SGCZ: variants seen among roughly 807,000 people sequenced by gnomAD.
The protein encoded by SGCZ is zeta-sarcoglycan.
A neutral mutation model predicts 41.3 loss-of-function variants in SGCZ; 40 were observed. The observed-to-expected ratio is 0.97, with a 90% CI of 0.75 to 1.26. The LOEUF (loss-of-function observed/expected upper bound fraction) is 1.26, where lower values mean the gene tolerates loss of function less well. Ranked by LOEUF, SGCZ falls within the 50% of genes most tolerant of loss-of-function variation. The pLI is 0.00. For synonymous variants in SGCZ, 206 were observed against 137.5 expected (o/e 1.50, Z -3.49); for missense variants, 552 against 369.8 (o/e 1.49, Z -4.04).
intron 7 of SGCZ, among the ~76,000 whole-genome samples, chr8:14,098,278 G>A (rs553953970): frequency 1.3e-5 from 2 of 152,304 alleles, no homozygotes; most frequent in South Asian, 2.1e-4. Context: ...AAAGCAAAGA[G>A]AAAGAAATGA....
intron 2 of SGCZ, among the ~76,000 whole-genome samples, chr8:14,367,883 G>C (rs1478295073): frequency 2.0e-5 from 3 of 152,136 alleles, no homozygotes; most frequent in East Asian, 3.9e-4. Context: ...ACTTAATAAT[G>C]CTTGCCCACC....
chr8:14,863,170 T>C (rs1435342091), intron 1 of SGCZ, among the ~76,000 whole-genome samples: 1 of 152,150 alleles, frequency 6.6e-6, no homozygotes, highest in Non-Finnish European at 1.5e-5. Flanking sequence ...CCTGGCCTTA[T>C]ACCAAACTCT....
intron 2 of SGCZ, among the ~76,000 whole-genome samples, chr8:14,327,690 T>A (rs1376760220): frequency 1.3e-5 from 2 of 152,228 alleles, no homozygotes; most frequent in Non-Finnish European, 2.9e-5. Context: ...GTTTTCTTCT[T>A]ATATTTTCTA....
intron 1 of SGCZ, among the ~76,000 whole-genome samples, chr8:14,625,520 G>T (rs1806425995): frequency 6.6e-6 from 1 of 152,166 alleles, no homozygotes; most frequent in Admixed American, 6.6e-5. Flanking sequence ...ATACAGCTGA[G>T]ATTTCATACC....
chr8:15,112,699 C>G (rs1374128803), intron 1 of SGCZ, among the ~76,000 whole-genome samples: 1 of 152,160 alleles, frequency 6.6e-6, no homozygotes, highest in Non-Finnish European at 1.5e-5. Context: ...AAATAAGGTT[C>G]CCAGCCCACA....
chr8:14,700,893 ATAGT>A (rs35979341), intron 1 of SGCZ, among the ~76,000 whole-genome samples: 57,138 of 151,456 alleles, frequency 0.38, 13,245 homozygotes, highest in Non-Finnish European at 0.53. Flanking sequence ...AATTCCAAAA[ATAGT>A]TAGCAAGAAG....
rs188969820 is a variant in SGCZ, at chr8:14,096,819, T to C, written c.744+5557A>G. Among the ~76,000 whole-genome samples the C allele has an allele frequency of 1.2e-3, 183 of 152,310 alleles. 2 individuals are homozygous for C. In the East Asian group the frequency reaches 0.032, roughly 27 times the overall value. ...TTCATTTAGGTATTCGACTTCTTCC[T>C]GGTTTAGTCTTGGGAAGGTGTATGT... On this transcript the variant is annotated intron_variant, in intron 7 of 7. Transcript: ENST00000382080.
chr8:14,275,556 G>A (rs1800200269), intron 3 of SGCZ, among the ~76,000 whole-genome samples: 1 of 152,082 alleles, frequency 6.6e-6, no homozygotes, highest in Non-Finnish European at 1.5e-5. Flanking sequence ...CATGTCAGAT[G>A]TGTCAGGGTT....
chr8:14,803,990 G>A (rs1161384102), intron 1 of SGCZ, among the ~76,000 whole-genome samples: 1 of 122,950 alleles, frequency 8.1e-6, no homozygotes, highest in Non-Finnish European at 1.6e-5. Context: ...ACACGGCAGG[G>A]TATTCCAACA....
At chr8:14,455,975 A>G (rs999321857) in intron 2 of SGCZ, among the ~76,000 whole-genome samples, 3 of 152,184 alleles carry the variant, frequency 2.0e-5, no homozygotes, top group African/African-American at 7.2e-5. Context: ...AGTTACCTAC[A>G]GTTGGAGGGG....
chr8:14,892,493 T>A (rs1457453526), intron 1 of SGCZ, among the ~76,000 whole-genome samples: 4 of 152,194 alleles, frequency 2.6e-5, no homozygotes, highest in African/African-American at 4.8e-5. Context: ...GAAAAATTTA[T>A]AGCATCACGT....
intron 2 of SGCZ, among the ~76,000 whole-genome samples, chr8:14,357,824 C>T (rs1803351229): frequency 6.6e-6 from 1 of 152,118 alleles, no homozygotes. Flanking sequence ...AGTAGAGAAA[C>T]TGGTATTTTC....
intron 2 of SGCZ, among the ~76,000 whole-genome samples, chr8:14,466,099 T>C (rs1242419704): frequency 6.6e-6 from 1 of 151,974 alleles, no homozygotes; most frequent in Non-Finnish European, 1.5e-5. Context: ...CAGTTTTCTT[T>C]TATTCCACCC....
chr8:14,747,103 T>G (rs1799357798), intron 1 of SGCZ, among the ~76,000 whole-genome samples: 1 of 152,204 alleles, frequency 6.6e-6, no homozygotes, highest in Non-Finnish European at 1.5e-5. Flanking sequence ...GATTGTATAT[T>G]ATGTTTCACT....
intron 1 of SGCZ, among the ~76,000 whole-genome samples, chr8:15,058,649 C>G (rs1471255403): frequency 6.6e-6 from 1 of 152,104 alleles, no homozygotes; most frequent in African/African-American, 2.4e-5. Flanking sequence ...GCTCTTCTTC[C>G]CAGATGTTTC....
intron 2 of SGCZ, among the ~76,000 whole-genome samples, chr8:14,459,612 A>C (rs886894545): frequency 4.6e-5 from 7 of 152,096 alleles, no homozygotes; most frequent in African/African-American, 1.7e-4. Context: ...ACATTTATTA[A>C]TTATACAAGG....
chr8:14,747,860 C>T (rs1012805217), intron 1 of SGCZ, among the ~76,000 whole-genome samples: 3 of 149,610 alleles, frequency 2.0e-5, no homozygotes, highest in African/African-American at 7.4e-5. Flanking sequence ...TTACAGGCAC[C>T]CACCACCACA....
intron 1 of SGCZ, among the ~76,000 whole-genome samples, chr8:14,957,376 A>G (rs910887114): frequency 1.3e-5 from 2 of 152,070 alleles, no homozygotes; most frequent in South Asian, 2.1e-4. Flanking sequence ...TGGGAAATTC[A>G]TATCTACCTT....
intron 1 of SGCZ, among the ~76,000 whole-genome samples, chr8:14,806,528 C>G (rs1801536415): frequency 6.6e-6 from 1 of 152,060 alleles, no homozygotes. Flanking sequence ...AAGACTAAAC[C>G]AGGAGGAAGT....
Sources: gnomAD v4.1 joint callset for allele counts (sites outside exome capture counted in the v4.1 genomes callset) on GRCh38, gnomAD v4.1.1 for gene constraint, MANE v1.5 for transcripts, NCBI Gene and HGNC (gene_info 2026-07-23, HGNC 2026-07-21) for gene names.